PUM2: variants seen among roughly 807,000 people sequenced by gnomAD.
PUM2 encodes pumilio homolog 2.
PUM2 carries 57 observed loss-of-function variants against 124.5 expected under a neutral mutation model. The ratio of observed to expected loss-of-function variants is 0.46; its 90% CI spans 0.37 to 0.57. The LOEUF (loss-of-function observed/expected upper bound fraction) is 0.57, where lower values mean the gene tolerates loss of function less well. Ranked by LOEUF, PUM2 falls within the 20% of genes least tolerant of loss-of-function variation. PUM2 has a pLI of 0.00. For missense variants in PUM2, 1,065 were observed against 1,290.6 expected, an observed-to-expected ratio of 0.83 and a Z score of 2.68; for synonymous variants, 460 against 446.1, an observed-to-expected ratio of 1.03 and a Z score of -0.39.
chr2:20,320,124 G>C (rs190932350), intron 2 of PUM2, among the ~76,000 whole-genome samples: 1 of 152,282 alleles, frequency 6.6e-6, no homozygotes, highest in Non-Finnish European at 1.5e-5. Flanking sequence ...AAATTAGCCA[G>C]GCGTGGTTGC....
intron 12 of PUM2, among the ~76,000 whole-genome samples, chr2:20,279,640 A>G (rs1671035365): frequency 6.6e-6 from 1 of 152,154 alleles, no homozygotes; most frequent in Admixed American, 6.6e-5. Context: ...CCAAATTTTT[A>G]CTTAATATCA....
At chr2:20,258,187 A>G (rs1465173838) in intron 16 of PUM2, 56 bp downstream of exon 16, 1 of 1,424,600 alleles carries the variant, frequency 7.0e-7, no homozygotes, top group Non-Finnish European at 9.5e-7. Context: ...AAAAACATGT[A>G]ATAATTTAAA....
intron 12 of PUM2, among the ~76,000 whole-genome samples, chr2:20,280,417 C>T (rs1671245059): frequency 1.3e-5 from 2 of 152,084 alleles, no homozygotes; most frequent in African/African-American, 4.8e-5. Context: ...GTAAAACTGG[C>T]AATGTATGCT....
chr2:20,344,009 T>G (rs1043576153), intron 1 of PUM2, among the ~76,000 whole-genome samples: 14 of 152,198 alleles, frequency 9.2e-5, no homozygotes, highest in African/African-American at 3.4e-4. Flanking sequence ...AGAAAATATC[T>G]TCAACATTAC....
chr2:20,317,808 T>C (rs979016283), intron 3 of PUM2, among the ~76,000 whole-genome samples: 5 of 152,210 alleles, frequency 3.3e-5, no homozygotes, highest in Non-Finnish European at 4.4e-5. Context: ...TTTCTGTTCC[T>C]GTGTTCGCTA....
At position 20,251,116 on chromosome 2, in the gene PUM2, G is replaced by C. The variant is rs774919556; in HGVS notation, c.*469C>G. 1.3e-5 allele frequency: 2 copies of C among 152,440 alleles called. No homozygotes were observed. Among genetic ancestry groups the C allele is most frequent in the African/African-American group, 4.8e-5 (2 of 41,348 alleles). 9.4% of individuals were successfully genotyped at this position (152,440 alleles called of 1,614,324 possible). On this transcript the variant is annotated 3_prime_UTR_variant, in exon 21 of 21. Coordinates refer to ENST00000361078, the MANE Select transcript of PUM2 (RefSeq NM_015317.5). ...AGTTGATTGTTAATCTGTTATAAAA[G>C]GTTTCACGCAAAGGAAAAAAATAAG...
At chr2:20,274,751 C>T (rs772498192) in intron 13 of PUM2, among the ~76,000 whole-genome samples, 2 of 151,378 alleles carry the variant, frequency 1.3e-5, no homozygotes, top group South Asian at 2.1e-4. Context: ...AACAAAAATA[C>T]GAACACTGCT....
At chr2:20,315,477 T>C (rs1293461300) in intron 3 of PUM2, among the ~76,000 whole-genome samples, 1 of 152,170 alleles carries the variant, frequency 6.6e-6, no homozygotes, top group Non-Finnish European at 1.5e-5. Flanking sequence ...CAAAATTCCA[T>C]TCATTTCTAA....
At chr2:20,272,822 C>T (rs957533107) in intron 13 of PUM2, among the ~76,000 whole-genome samples, 1 of 152,178 alleles carries the variant, frequency 6.6e-6, no homozygotes, top group African/African-American at 2.4e-5. Flanking sequence ...TCATCTGTAA[C>T]TTCCATCAGC....
intron 3 of PUM2, among the ~76,000 whole-genome samples, chr2:20,315,535 T>C (rs1199116257): frequency 1.3e-5 from 2 of 152,170 alleles, no homozygotes; most frequent in Non-Finnish European, 2.9e-5. Flanking sequence ...TTCAAAATGT[T>C]ATGAGAGTTG....
chr2:20,322,381 G>C (rs1391990577), intron 2 of PUM2, among the ~76,000 whole-genome samples: 1 of 152,076 alleles, frequency 6.6e-6, no homozygotes, highest in African/African-American at 2.4e-5. Flanking sequence ...CCAGGAGCTA[G>C]AGACCAGCCT....
chr2:20,305,465 A>G lies in PUM2; in HGVS notation c.883+2513T>C, dbSNP rs1200391292. 1.0e-3 allele frequency among the ~76,000 whole-genome samples: 66 copies of G among 66,130 alleles called. No homozygotes were observed. The East Asian group carries it at 0.035, about 35-fold the overall frequency. The allele number at this position is 66,130 out of a possible 152,430, so 43.4% of individuals were successfully genotyped here. ...TGACAGAGTAAGACCCTGTCTTCGAAAAAAAAAAAAAAAAAAAAAAAAAGA... is the reference window on the plus strand; with the variant it reads ...TGACAGAGTAAGACCCTGTCTTCGAGAAAAAAAAAAAAAAAAAAAAAAAGA... On this transcript the variant is annotated intron_variant, in intron 7 of 20. Transcript: ENST00000361078.
At chr2:20,252,545 G>T (rs1558464658) in intron 20 of PUM2, among the ~76,000 whole-genome samples, 1 of 152,224 alleles carries the variant, frequency 6.6e-6, no homozygotes, top group Non-Finnish European at 1.5e-5. Flanking sequence ...AAGGGGTTAT[G>T]TAATTCATGT....
chr2:20,287,281 A>C (rs556209586), intron 10 of PUM2, among the ~76,000 whole-genome samples: 1 of 152,234 alleles, frequency 6.6e-6, no homozygotes, highest in African/African-American at 2.4e-5. Flanking sequence ...CAAGGCACAC[A>C]GAAGTACTAA....
intron 12 of PUM2, 143 bp downstream of exon 12, chr2:20,282,804 T>G: frequency 1.0e-6 from 1 of 972,306 alleles, no homozygotes; most frequent in Non-Finnish European, 1.5e-6. Flanking sequence ...CAGGATTTTT[T>G]TTTCCTACAA....
At chr2:20,308,716 A>AGAATG in intron 5 of PUM2, 132 bp from the exon 6 acceptor site, 2 of 782,322 alleles carry the variant, frequency 2.6e-6, no homozygotes, top group Non-Finnish European at 1.9e-6. Flanking sequence ...TCACTATGCC[A>AGAATG]CCTTATCACA....
chr2:20,302,568 T>C (rs1677249594), intron 7 of PUM2, among the ~76,000 whole-genome samples: 2 of 152,190 alleles, frequency 1.3e-5, no homozygotes, highest in Non-Finnish European at 2.9e-5. Context: ...CTCATCACTC[T>C]ACCCTAAACA....
intron 7 of PUM2, 98 bp downstream of exon 7, chr2:20,307,880 A>T: frequency 6.8e-7 from 1 of 1,460,462 alleles, no homozygotes. Flanking sequence ...CAGATGTTTC[A>T]AAAAGTAACA....
At chr2:20,314,551 A>G (rs10175853) in intron 3 of PUM2, among the ~76,000 whole-genome samples, 55,104 of 152,046 alleles carry the variant, frequency 0.36, 10,111 homozygotes, top group Middle Eastern at 0.43. Context: ...GCTACCTCTG[A>G]CTTGTTTGTG....
Sources: gnomAD v4.1 joint callset for allele counts (sites outside exome capture counted in the v4.1 genomes callset) on GRCh38, gnomAD v4.1.1 for gene constraint, MANE v1.5 for transcripts, NCBI Gene and HGNC (gene_info 2026-07-23, HGNC 2026-07-21) for gene names.